Variants in TRPC4AP observed in about 807,000 individuals in gnomAD.
The protein encoded by TRPC4AP is short transient receptor potential channel 4-associated protein.
TRPC4AP carries 45 observed loss-of-function variants against 99.0 expected under a neutral mutation model. The observed-to-expected ratio is 0.45, with a 90% CI of 0.36 to 0.58. The LOEUF (loss-of-function observed/expected upper bound fraction) is 0.58, where lower values mean the gene tolerates loss of function less well. Among genes scored for constraint, TRPC4AP ranks in the 20% least tolerant of loss-of-function variants. The probability of loss-of-function intolerance (pLI) is 0.00; values close to 1 mark genes in which losing one functional copy is unlikely to be tolerated. For synonymous variants in TRPC4AP, 408 were observed against 385.8 expected (o/e 1.06, Z -0.67); for missense variants, 879 against 985.3 (o/e 0.89, Z 1.44).
chr20:35,073,240 C>T (rs2084372212), intron 2 of TRPC4AP, among the ~76,000 whole-genome samples: 1 of 152,164 alleles, frequency 6.6e-6, no homozygotes, highest in Non-Finnish European at 1.5e-5. Context: ...ATTTGACTTC[C>T]TCTTTTCCTA....
chr20:35,086,475 G>GTGTATA lies in TRPC4AP; in HGVS notation c.168+6138_168+6139insTATACA, dbSNP rs1249022184. On this transcript the variant is annotated intron_variant, in intron 1 of 18. Transcript: ENST00000252015. ...TGTGTGTGTGTGTGTGTGTGTGTGT[G>GTGTATA]TATGTGTGTGTATATATATATGTGT... is the stretch of plus-strand genomic sequence containing the variant. 1.6e-4 allele frequency among the ~76,000 whole-genome samples: 19 copies of GTGTATA among 116,500 alleles called. 1 individual carries two copies. In the South Asian group the frequency reaches 2.0e-3, roughly 13 times the overall value. The allele number at this position is 116,500 out of a possible 152,430, so 76.4% of individuals were successfully genotyped here.
At chr20:35,008,101 G>A (rs538766953) in intron 13 of TRPC4AP, among the ~76,000 whole-genome samples, 73 of 152,316 alleles carry the variant, frequency 4.8e-4, no homozygotes, top group African/African-American at 1.7e-3. Flanking sequence ...AGGGCACAGC[G>A]GGTATCCACG....
At position 35,003,213 on chromosome 20, in the gene TRPC4AP, G is replaced by A; in HGVS notation, c.2327C>T (p.Pro776Leu). 2 of 1,614,208 alleles carry A rather than the reference G, an allele frequency of 1.2e-6. No individual in the cohort carries two copies. The highest frequency in any genetic ancestry group is 2.2e-5 in the South Asian group (2 of 91,086). ...SILLNPDRQS[P>L]SALVSYIEEP... ...CTCAATGTAGCTAACGAGAGCAGAG[G>A]GTGACTGCCGGTCCGGGTTCAACAG... Residue 776 changes from proline (P) to leucine (L), a missense_variant, in exon 19 of 19, where the codon CCC becomes CTC. Coordinates refer to ENST00000252015, the MANE Select transcript of TRPC4AP (RefSeq NM_015638.3).
intron 3 of TRPC4AP, among the ~76,000 whole-genome samples, chr20:35,060,584 C>CGAAAA (rs1569133058): frequency 4.1e-4 from 19 of 45,884 alleles, no homozygotes; most frequent in South Asian, 2.0e-3. Flanking sequence ...GACCTTGTCT[C>CGAAAA]CAAAAAAAAA....
chr20:35,059,230 G>A (rs555889294), intron 3 of TRPC4AP, among the ~76,000 whole-genome samples: 1 of 152,268 alleles, frequency 6.6e-6, no homozygotes, highest in South Asian at 2.1e-4. Context: ...AAATAAAGGA[G>A]AGGGCATTAC....
intron 5 of TRPC4AP, among the ~76,000 whole-genome samples, chr20:35,052,098 GTTT>G (rs5841189): frequency 1.4e-5 from 2 of 138,038 alleles, no homozygotes; most frequent in Non-Finnish European, 3.1e-5. Context: ...TTTTTTTTTG[GTTT>G]TTTTTTTTTT....
intron 2 of TRPC4AP, 128 bp from the exon 3 acceptor site, chr20:35,069,540 A>G: frequency 1.6e-6 from 1 of 643,484 alleles, no homozygotes; most frequent in Non-Finnish European, 2.8e-6. Context: ...CCAATGAACC[A>G]CACTTCCTAG....
intron 9 of TRPC4AP, among the ~76,000 whole-genome samples, chr20:35,016,739 C>T (rs1387488396): frequency 6.6e-6 from 1 of 152,182 alleles, no homozygotes; most frequent in Admixed American, 6.5e-5. Flanking sequence ...TTTAAAAATT[C>T]TGTATGGCAA....
chr20:35,019,722 T>A (rs933929224), intron 9 of TRPC4AP, among the ~76,000 whole-genome samples: 29 of 152,314 alleles, frequency 1.9e-4, no homozygotes, highest in African/African-American at 6.7e-4. Flanking sequence ...TCCCTAAAAC[T>A]ATTATTTTTT....
intron 12 of TRPC4AP, 32 bp from the exon 13 acceptor site, chr20:35,008,779 C>A (rs370834271): frequency 3.1e-6 from 5 of 1,597,774 alleles, no homozygotes; most frequent in African/African-American, 2.7e-5. Context: ...GGTGACAGAT[C>A]TGAGAGGCTG....
chr20:35,071,930 A>G (rs1365221088), intron 2 of TRPC4AP, among the ~76,000 whole-genome samples: 1 of 152,142 alleles, frequency 6.6e-6, no homozygotes, highest in East Asian at 1.9e-4. Flanking sequence ...ATTTCTCCAC[A>G]TCCTCTCCAG....
At chr20:35,006,826 G>A (rs2082528686) in intron 14 of TRPC4AP, among the ~76,000 whole-genome samples, 1 of 152,242 alleles carries the variant, frequency 6.6e-6, no homozygotes, top group South Asian at 2.1e-4. Context: ...GCTGAAGCCT[G>A]TGACCTGCTC....
chr20:35,029,234 G>A (rs977522393), intron 8 of TRPC4AP, among the ~76,000 whole-genome samples: 1 of 152,196 alleles, frequency 6.6e-6, no homozygotes, highest in African/African-American at 2.4e-5. Context: ...GGGTGACAGA[G>A]TGAGACTCTG....
At chr20:35,071,763 A>C (rs944511096) in intron 2 of TRPC4AP, among the ~76,000 whole-genome samples, 2 of 152,146 alleles carry the variant, frequency 1.3e-5, no homozygotes, top group African/African-American at 4.8e-5. Context: ...ATGTGTCTTT[A>C]TAGCAGCATG....
At chr20:35,083,323 G>T (rs190387430) in intron 1 of TRPC4AP, among the ~76,000 whole-genome samples, 8 of 152,108 alleles carry the variant, frequency 5.3e-5, no homozygotes, top group Admixed American at 5.2e-4. Flanking sequence ...CTCTTGGCTG[G>T]GCACAGTGGT....
chr20:35,051,629 A>T (rs1053984104), intron 5 of TRPC4AP, among the ~76,000 whole-genome samples: 3 of 152,250 alleles, frequency 2.0e-5, no homozygotes, highest in African/African-American at 7.2e-5. Flanking sequence ...AAAAAAAAAA[A>T]AAAAGGTTGT....
At position 35,003,138 on chromosome 20, in the gene TRPC4AP, G is replaced by T; in HGVS notation, c.*8C>A. The T allele has an allele frequency of 6.2e-7, 1 of 1,613,968 alleles. No individual in the cohort carries two copies. Among genetic ancestry groups the T allele is most frequent in the Non-Finnish European group, 8.5e-7 (1 of 1,179,932 alleles). On this transcript the variant is annotated 3_prime_UTR_variant, in exon 19 of 19. Transcript: ENST00000252015. ...TGGCCCAGCAGCCTCCCGAGGCCTGGCCCAAGGTCACTCCTCAGTGAAGTC... is the reference window on the plus strand; with the variant it reads ...TGGCCCAGCAGCCTCCCGAGGCCTGTCCCAAGGTCACTCCTCAGTGAAGTC...
intron 3 of TRPC4AP, among the ~76,000 whole-genome samples, chr20:35,063,942 AT>A (rs1389441270): frequency 6.6e-6 from 1 of 152,244 alleles, no homozygotes; most frequent in Non-Finnish European, 1.5e-5. Context: ...ACAGAAAAAA[AT>A]AAATGTTAGA....
At chr20:35,063,719 C>T (rs987093158) in intron 3 of TRPC4AP, among the ~76,000 whole-genome samples, 14 of 151,912 alleles carry the variant, frequency 9.2e-5, no homozygotes, top group African/African-American at 2.9e-4. Flanking sequence ...AAATTAGCCA[C>T]GTGTGATGGC....
Sources: allele counts gnomAD v4.1 joint callset (sites outside exome capture counted in the v4.1 genomes callset), GRCh38; gene constraint gnomAD v4.1.1; transcripts MANE v1.5; gene names NCBI Gene and HGNC (gene_info 2026-07-23, HGNC 2026-07-21).